Variants in TCF7L2 observed in about 807,000 individuals in gnomAD.
TCF7L2 encodes the protein transcription factor 7-like 2.
A neutral mutation model predicts 77.9 loss-of-function variants in TCF7L2; 23 were observed. The ratio of observed to expected loss-of-function variants is 0.30; its 90% CI spans 0.21 to 0.42. TCF7L2 has a LOEUF of 0.42. Ranked by LOEUF, TCF7L2 falls within the 10% of genes least tolerant of loss-of-function variation. The pLI is 1.00. For missense variants in TCF7L2, 654 were observed against 793.1 expected, an observed-to-expected ratio of 0.82 and a Z score of 2.11; for synonymous variants, 413 against 340.2, an observed-to-expected ratio of 1.21 and a Z score of -2.36.
chr10:112,995,317 A>G (rs569601400), intron 4 of TCF7L2, among the ~76,000 whole-genome samples: 1 of 152,206 alleles, frequency 6.6e-6, no homozygotes, highest in African/African-American at 2.4e-5. Context: ...AAACCACATC[A>G]TTACCCACAG....
chr10:112,992,554 A>C (rs910946966), intron 4 of TCF7L2, among the ~76,000 whole-genome samples: 1 of 152,156 alleles, frequency 6.6e-6, no homozygotes, highest in Admixed American at 6.5e-5. Context: ...CGGAGGCTGC[A>C]GGGTGCTAAG....
At chr10:113,096,128 T>G (rs1461489551) in intron 5 of TCF7L2, among the ~76,000 whole-genome samples, 1 of 152,182 alleles carries the variant, frequency 6.6e-6, no homozygotes, top group African/African-American at 2.4e-5. Context: ...ATATAGGGTT[T>G]CCCATATGAG....
chr10:113,107,514 C>T (rs1233389844), intron 5 of TCF7L2, among the ~76,000 whole-genome samples: 2 of 151,746 alleles, frequency 1.3e-5, no homozygotes, highest in Non-Finnish European at 2.9e-5. Flanking sequence ...GAGGCCGAGG[C>T]GGGTGGATCA....
At chr10:113,088,613 T>C (rs543370402) in intron 5 of TCF7L2, among the ~76,000 whole-genome samples, 1 of 152,258 alleles carries the variant, frequency 6.6e-6, no homozygotes, top group Admixed American at 6.5e-5. Context: ...GTATAGTTGC[T>C]TTTCTCAAAA....
Position 112,950,483 on chromosome 10 carries a change from TA to T in TCF7L2, c.-273del, listed in dbSNP as rs1243518202. 224 of 301,902 alleles carry T rather than the reference TA, an allele frequency of 7.4e-4. No individual in the cohort carries two copies. Among genetic ancestry groups the T allele is most frequent in the African/African-American group, 4.4e-3 (197 of 45,086 alleles). The allele number at this position is 301,902 out of a possible 1,614,324, so 18.7% of individuals were successfully genotyped here. On this transcript the variant is annotated 5_prime_UTR_variant, in exon 1 of 14. Transcript: ENST00000627217. ...TTTTTTACCCCCCTTTTTTATTTAT[TA>T]TTTTTTTGCACATTGATCGGATCCT...
chr10:113,030,118 C>T (rs1322189968), intron 4 of TCF7L2, among the ~76,000 whole-genome samples: 2 of 152,182 alleles, frequency 1.3e-5, no homozygotes, highest in African/African-American at 4.8e-5. Flanking sequence ...AATTTACTTC[C>T]TGTCTCTATG....
chr10:113,001,283 T>C (rs927005415), intron 4 of TCF7L2, among the ~76,000 whole-genome samples: 5 of 152,224 alleles, frequency 3.3e-5, no homozygotes, highest in African/African-American at 1.2e-4. Context: ...ACAAAGAGTA[T>C]TTTATTTATG....
At chr10:113,073,503 CAAAAAAAAAAAAA>C (rs35730806) in intron 5 of TCF7L2, among the ~76,000 whole-genome samples, 1 of 43,966 alleles carries the variant, frequency 2.3e-5, no homozygotes, top group Admixed American at 3.0e-4. Context: ...CGGTCTCTAC[CAAAAAAAAAAAAA>C]AAAAAAAAAA....
intron 5 of TCF7L2, among the ~76,000 whole-genome samples, chr10:113,086,344 A>AGGCATGGTTGCATCC: frequency 6.6e-6 from 1 of 152,244 alleles, no homozygotes; most frequent in Non-Finnish European, 1.5e-5. Context: ...ATCAGGCATC[A>AGGCATGGTTGCATCC]GGCATGGTTG....
intron 5 of TCF7L2, among the ~76,000 whole-genome samples, chr10:113,135,983 C>CA (rs2067330770): frequency 6.6e-6 from 1 of 152,022 alleles, no homozygotes; most frequent in African/African-American, 2.4e-5. Flanking sequence ...ATGAACACAG[C>CA]AATTAACCCC....
At chr10:113,159,896 C>A in intron 12 of TCF7L2, 24 bp from the exon 14 acceptor site, 1 of 1,388,504 alleles carries the variant, frequency 7.2e-7, no homozygotes, top group Non-Finnish European at 9.6e-7. Flanking sequence ...CTCCTCTGCT[C>A]GCTTCTCTCT....
intron 4 of TCF7L2, among the ~76,000 whole-genome samples, chr10:112,999,032 T>C (rs1367632584): frequency 6.6e-6 from 1 of 152,240 alleles, no homozygotes; most frequent in Non-Finnish European, 1.5e-5. Context: ...ATTTTATTTT[T>C]CAGAGACAGG....
At position 113,031,787 on chromosome 10, in the gene TCF7L2, C is replaced by G. The variant is rs2050263121; in HGVS notation, c.451-8238C>G. 3.9e-5 allele frequency among the ~76,000 whole-genome samples: 6 copies of G among 152,164 alleles called. No individual in the cohort carries two copies. In the South Asian group the frequency reaches 1.2e-3, roughly 32 times the overall value. ...TACAGGCATGAGCCACTGTGTCTGG[C>G]CCTACTTACCTTCTTTGTGTTAATT... On this transcript the variant is annotated intron_variant, in intron 4 of 13. Coordinates refer to ENST00000627217, the MANE Select transcript of TCF7L2 (RefSeq NM_001146274.2).
At chr10:113,099,897 C>T (rs1373163472) in intron 5 of TCF7L2, among the ~76,000 whole-genome samples, 1 of 152,138 alleles carries the variant, frequency 6.6e-6, no homozygotes, top group African/African-American at 2.4e-5. Flanking sequence ...ACAGTTGTAG[C>T]TCTCCTGGCT....
At chr10:113,076,815 A>G (rs150580394) in intron 5 of TCF7L2, among the ~76,000 whole-genome samples, 6 of 152,350 alleles carry the variant, frequency 3.9e-5, no homozygotes, top group Admixed American at 3.3e-4. Flanking sequence ...AGGATGTTTG[A>G]TGTGAAAATT....
chr10:113,109,920 A>G (rs2062903583), intron 5 of TCF7L2, among the ~76,000 whole-genome samples: 1 of 152,256 alleles, frequency 6.6e-6, no homozygotes, highest in African/African-American at 2.4e-5. Flanking sequence ...GGCTTATATC[A>G]GAATGTATAA....
At chr10:112,994,967 G>C (rs992218904) in intron 4 of TCF7L2, among the ~76,000 whole-genome samples, 1 of 152,152 alleles carries the variant, frequency 6.6e-6, no homozygotes. Context: ...AGGCCTGGTG[G>C]TGGGCGCCTG....
At chr10:112,951,023 T>C in intron 1 of TCF7L2, 78 bp downstream of exon 1, 2 of 1,489,572 alleles carry the variant, frequency 1.3e-6, no homozygotes, top group Non-Finnish European at 1.8e-6. Context: ...AGGGGAGAAA[T>C]CGGGGCTGGG....
intron 4 of TCF7L2, among the ~76,000 whole-genome samples, chr10:112,991,342 A>G (rs1046049044): frequency 3.9e-5 from 6 of 151,950 alleles, no homozygotes; most frequent in African/African-American, 1.5e-4. Context: ...ATCCTGGCTA[A>G]CACGATGAAA....
Sources: gnomAD v4.1 joint callset for allele counts (sites outside exome capture counted in the v4.1 genomes callset) on GRCh38, gnomAD v4.1.1 for gene constraint, MANE v1.5 for transcripts, NCBI Gene and HGNC (gene_info 2026-07-23, HGNC 2026-07-21) for gene names.